RIT2: variants seen among roughly 807,000 people sequenced by gnomAD.
RIT2 encodes GTP-binding protein Rit2.
Under a neutral mutation model 23.7 loss-of-function variants are expected in RIT2, and 24 were observed. The ratio of observed to expected loss-of-function variants is 1.01; its 90% CI spans 0.73 to 1.43. The LOEUF (loss-of-function observed/expected upper bound fraction) is 1.43, where lower values mean the gene tolerates loss of function less well. Among genes scored for constraint, RIT2 ranks in the 40% most tolerant of loss-of-function variants. RIT2 has a pLI of 0.00. For synonymous variants in RIT2, 107 were observed against 91.1 expected (o/e 1.17, Z -0.99); for missense variants, 236 against 266.9 (o/e 0.88, Z 0.81).
chr18:42,955,873 G>A (rs893668930), intron 3 of RIT2, among the ~76,000 whole-genome samples: 1 of 152,056 alleles, frequency 6.6e-6, no homozygotes, highest in South Asian at 2.1e-4. Context: ...CAACCACTGC[G>A]AGACTATAAC....
rs115855771 is a variant in RIT2, at chr18:43,109,730, C to T, written c.103+5687G>A. 4.8e-3 allele frequency among the ~76,000 whole-genome samples: 729 copies of T among 152,204 alleles called. 6 individuals carry two copies. Among genetic ancestry groups the T allele is most frequent in the African/African-American group, 0.017 (690 of 41,540 alleles). On this transcript the variant is annotated intron_variant, in intron 1 of 4. Coordinates refer to ENST00000326695, the MANE Select transcript of RIT2 (RefSeq NM_002930.4). ...TTTTCCACCATGAGATGGTGCACTC[C>T]CAGAGGTCAGGAATCACCTGAAATC...
chr18:43,035,017 T>A (rs1911942847), intron 1 of RIT2, among the ~76,000 whole-genome samples: 1 of 152,258 alleles, frequency 6.6e-6, no homozygotes, highest in Non-Finnish European at 1.5e-5. Flanking sequence ...AAATAGTTCC[T>A]GGATTAAATT....
Position 42,941,688 on chromosome 18 carries a change from CTTT to C in RIT2, c.235-17928_235-17926del, listed in dbSNP as rs1909603450. Among the ~76,000 whole-genome samples the C allele has an allele frequency of 5.3e-5, 8 of 152,044 alleles. 1 individual carries two copies. The South Asian group carries it at 1.7e-3, about 32-fold the overall frequency. The stretch of plus-strand genomic sequence containing the variant: ...AGATACTTTAATGTATTAATATTTG[CTTT>C]AATATCTAACATGATATATTTAAGT... On this transcript the variant is annotated intron_variant, in intron 3 of 4. Coordinates refer to ENST00000326695, the MANE Select transcript of RIT2 (RefSeq NM_002930.4).
chr18:42,795,289 C>T (rs567535665), intron 4 of RIT2, among the ~76,000 whole-genome samples: 102 of 152,314 alleles, frequency 6.7e-4, no homozygotes, highest in African/African-American at 1.9e-3. Flanking sequence ...GCAGTGCTTG[C>T]GGGCCAGCTG....
At chr18:42,802,192 A>T (rs1905557492) in intron 4 of RIT2, among the ~76,000 whole-genome samples, 1 of 152,174 alleles carries the variant, frequency 6.6e-6, no homozygotes, top group Admixed American at 6.5e-5. Flanking sequence ...ATTAGGATAA[A>T]CGTTAAGTCT....
At chr18:42,998,654 C>A (rs1327726699) in intron 2 of RIT2, among the ~76,000 whole-genome samples, 1 of 151,906 alleles carries the variant, frequency 6.6e-6, no homozygotes, top group African/African-American at 2.4e-5. Flanking sequence ...CAATAATATT[C>A]AATGTCTCAA....
At chr18:42,834,584 T>C (rs1378884824) in intron 4 of RIT2, among the ~76,000 whole-genome samples, 1 of 152,006 alleles carries the variant, frequency 6.6e-6, no homozygotes, top group Non-Finnish European at 1.5e-5. Flanking sequence ...CACATACTTC[T>C]ATGATAGCTT....
chr18:42,823,055 A>C (rs536731235), intron 4 of RIT2, among the ~76,000 whole-genome samples: 17 of 152,212 alleles, frequency 1.1e-4, no homozygotes, highest in South Asian at 2.1e-4. Context: ...AGAAATCAGC[A>C]CTGGGGGGCA....
At chr18:43,089,181 A>G (rs1319958688) in intron 1 of RIT2, among the ~76,000 whole-genome samples, 2 of 152,120 alleles carry the variant, frequency 1.3e-5, no homozygotes, top group South Asian at 2.1e-4. Context: ...TGAAGATCCT[A>G]TATCTAGAAA....
At chr18:42,979,717 T>C (rs191335548) in intron 2 of RIT2, among the ~76,000 whole-genome samples, 264 of 152,262 alleles carry the variant, frequency 1.7e-3, no homozygotes, top group African/African-American at 5.8e-3. Flanking sequence ...TATCAATATA[T>C]TGATCAATAA....
At chr18:42,840,791 G>A (rs548341417) in intron 4 of RIT2, among the ~76,000 whole-genome samples, 11 of 152,318 alleles carry the variant, frequency 7.2e-5, no homozygotes, top group Admixed American at 3.9e-4. Context: ...GTGAGCCACC[G>A]CGCCCAGCTG....
intron 4 of RIT2, among the ~76,000 whole-genome samples, chr18:42,813,372 G>A (rs1053254488): frequency 1.3e-5 from 2 of 152,134 alleles, no homozygotes; most frequent in Non-Finnish European, 2.9e-5. Flanking sequence ...TACATCTGTA[G>A]ATGGATTTTT....
At chr18:43,053,797 T>C (rs1476510200) in intron 1 of RIT2, among the ~76,000 whole-genome samples, 1 of 152,134 alleles carries the variant, frequency 6.6e-6, no homozygotes, top group African/African-American at 2.4e-5. Context: ...TGGAGCATTG[T>C]TTTATGCTTT....
intron 4 of RIT2, among the ~76,000 whole-genome samples, chr18:42,790,310 G>A (rs1417834467): frequency 6.6e-6 from 1 of 152,154 alleles, no homozygotes; most frequent in Non-Finnish European, 1.5e-5. Context: ...CGACTGAGCA[G>A]ATGGATCAAT....
intron 4 of RIT2, among the ~76,000 whole-genome samples, chr18:42,863,445 CT>C (rs1907383594): frequency 6.6e-6 from 1 of 152,092 alleles, no homozygotes; most frequent in South Asian, 2.1e-4. Context: ...TTAACTCTGC[CT>C]GATTTTCTTT....
intron 4 of RIT2, among the ~76,000 whole-genome samples, chr18:42,835,392 A>G (rs951640069): frequency 6.6e-6 from 1 of 152,078 alleles, no homozygotes; most frequent in Non-Finnish European, 1.5e-5. Flanking sequence ...TATTGTAAAA[A>G]ATATTTCTGG....
intron 1 of RIT2, among the ~76,000 whole-genome samples, chr18:43,092,668 T>A (rs1347616177): frequency 6.6e-6 from 1 of 152,038 alleles, no homozygotes; most frequent in Non-Finnish European, 1.5e-5. Context: ...CCATATTAAC[T>A]GTTATCGAGA....
Position 42,938,065 on chromosome 18 carries a change from C to T in RIT2, c.235-14302G>A, listed in dbSNP as rs1166618646. ...TTCAAATATTGGTCACCAAGGTATT[C>T]CAAGGATTTTTGTAAAGAGGAAATA... On this transcript the variant is annotated intron_variant, in intron 3 of 4. Coordinates refer to ENST00000326695, the MANE Select transcript of RIT2 (RefSeq NM_002930.4). Among the ~76,000 whole-genome samples, 4 of 151,718 alleles carry T rather than the reference C, an allele frequency of 2.6e-5. No homozygotes were observed. In the East Asian group the frequency reaches 7.8e-4, roughly 30 times the overall value.
chr18:42,750,572 T>A (rs1913022930), intron 4 of RIT2, among the ~76,000 whole-genome samples: 1 of 151,886 alleles, frequency 6.6e-6, no homozygotes, highest in Non-Finnish European at 1.5e-5. Context: ...GCAAATAGGA[T>A]ATGTAAGATC....
Sources: allele counts gnomAD v4.1 joint callset (sites outside exome capture counted in the v4.1 genomes callset), GRCh38; gene constraint gnomAD v4.1.1; transcripts MANE v1.5; gene names NCBI Gene and HGNC (gene_info 2026-07-23, HGNC 2026-07-21).